CFAP299: variants seen among roughly 807,000 people sequenced by gnomAD.
CFAP299 encodes cilia and flagella associated protein 299, also known as cilia- and flagella-associated protein 299.
A neutral mutation model predicts 27.0 loss-of-function variants in CFAP299; 21 were observed. The ratio of observed to expected loss-of-function variants is 0.78; its 90% CI spans 0.55 to 1.12. The LOEUF (loss-of-function observed/expected upper bound fraction) is 1.12, where lower values mean the gene tolerates loss of function less well. Ranked by LOEUF, CFAP299 falls within the 50% of genes most tolerant of loss-of-function variation. CFAP299 has a pLI of 0.00. For missense variants in CFAP299, 310 were observed against 276.6 expected, an observed-to-expected ratio of 1.12 and a Z score of -0.86; for synonymous variants, 104 against 98.1, an observed-to-expected ratio of 1.06 and a Z score of -0.36.
intron 2 of CFAP299, among the ~76,000 whole-genome samples, chr4:80,574,860 C>G (rs35402094): frequency 0.12 from 18,424 of 151,986 alleles, 1,343 homozygotes; most frequent in South Asian, 0.23. Flanking sequence ...ATTCAGTTTG[C>G]TAGTATTTTG....
In CFAP299 at chr4:80,386,474, G is replaced by A. The variant is rs536616609; in HGVS notation, c.242+23590G>A. 2.6e-6 allele frequency: 4 copies of A among 1,537,004 alleles called. No individual in the cohort carries two copies. The African/African-American group carries it at 5.5e-5, about 21-fold the overall frequency. On this transcript the variant is annotated intron_variant, in intron 2 of 5. Transcript: ENST00000358105. ...TCACCACCTTGCGCCCACCACTGCC[G>A]CCACGGCGCGGGGCTGCCCTCTTCT...
At chr4:80,390,918 CACATATGTAT>C (rs1358708775) in intron 2 of CFAP299, among the ~76,000 whole-genome samples, 1 of 51,940 alleles carries the variant, frequency 1.9e-5, no homozygotes, top group Non-Finnish European at 5.8e-5. Context: ...TGTATATACA[CACATATGTAT>C]ATATGTATAT....
At chr4:80,542,533 A>G (rs530492228) in intron 2 of CFAP299, among the ~76,000 whole-genome samples, 21 of 152,272 alleles carry the variant, frequency 1.4e-4, no homozygotes, top group Admixed American at 1.2e-3. Flanking sequence ...CAAGCCCTGA[A>G]CAACTCCTGT....
chr4:80,393,141 G>C (rs1306793436), intron 2 of CFAP299, among the ~76,000 whole-genome samples: 1 of 151,468 alleles, frequency 6.6e-6, no homozygotes, highest in Non-Finnish European at 1.5e-5. Flanking sequence ...AGTTTTAAAA[G>C]CAAAAAATAA....
At chr4:80,790,619 A>T (rs1197363676) in intron 3 of CFAP299, 1 of 152,030 alleles carries the variant, frequency 6.6e-6, no homozygotes, top group East Asian at 1.9e-4. Flanking sequence ...TGCAGTTTGT[A>T]ACCCAGAAAA....
At chr4:80,569,101 T>C (rs1735454530) in intron 2 of CFAP299, among the ~76,000 whole-genome samples, 1 of 152,100 alleles carries the variant, frequency 6.6e-6, no homozygotes, top group Non-Finnish European at 1.5e-5. Context: ...AAGAGCTTCC[T>C]ACTCCGTCAT....
chr4:80,831,953 C>G lies in CFAP299; in HGVS notation c.334-38040C>G, dbSNP rs139499682. Among the ~76,000 whole-genome samples the G allele has an allele frequency of 3.3e-3, 496 of 152,224 alleles. 1 individual carries two copies. The highest frequency in any genetic ancestry group is 0.011 in the African/African-American group (467 of 41,538). On this transcript the variant is annotated intron_variant, in intron 3 of 5. Transcript: ENST00000358105. ...TGATGTTCCAAACAATTTTTCATGT[C>G]AGAACTATACTATGCCATTCATAAT...
chr4:80,902,247 T>C (rs1560469503), intron 4 of CFAP299, among the ~76,000 whole-genome samples: 1 of 151,180 alleles, frequency 6.6e-6, no homozygotes, highest in Non-Finnish European at 1.5e-5. Flanking sequence ...ATCCTGAACA[T>C]CTATATGTTA....
At chr4:80,500,592 G>A (rs1488925064) in intron 2 of CFAP299, among the ~76,000 whole-genome samples, 1 of 152,054 alleles carries the variant, frequency 6.6e-6, no homozygotes, top group Non-Finnish European at 1.5e-5. Context: ...TGAAACTGCT[G>A]TCAAAGCAAT....
chr4:80,464,732 A>G (rs1472215602), intron 2 of CFAP299, among the ~76,000 whole-genome samples: 2 of 152,178 alleles, frequency 1.3e-5, no homozygotes, highest in Non-Finnish European at 2.9e-5. Flanking sequence ...TACAACCTGT[A>G]AACTCCAGAA....
intron 3 of CFAP299, among the ~76,000 whole-genome samples, chr4:80,634,112 T>G (rs1325011438): frequency 6.6e-6 from 1 of 150,582 alleles, no homozygotes; most frequent in Non-Finnish European, 1.5e-5. Context: ...GCCTCCAGAG[T>G]AGCAGGGACT....
intron 3 of CFAP299, among the ~76,000 whole-genome samples, chr4:80,862,946 G>A (rs35341615): frequency 0.15 from 22,684 of 151,998 alleles, 2,040 homozygotes; most frequent in Middle Eastern, 0.28. Context: ...TAGTTGATTC[G>A]CAGAGAACTT....
At chr4:80,602,948 C>G (rs148160383) in intron 3 of CFAP299, among the ~76,000 whole-genome samples, 13 of 152,204 alleles carry the variant, frequency 8.5e-5, no homozygotes, top group African/African-American at 3.1e-4. Context: ...CTCTGCTTCT[C>G]AGTTTTCTCT....
rs62303526 is a variant in CFAP299, at chr4:80,456,402, C to T, written c.242+93518C>T. ...ACAAGAAGGCAAGCAGGGAGAGCAG[C>T]GAGAGGCTTTGTAATAAGCCAAGCA... is the stretch of plus-strand genomic sequence containing the variant. On this transcript the variant is annotated intron_variant, in intron 2 of 5. Transcript: ENST00000358105. 9.4e-3 allele frequency among the ~76,000 whole-genome samples: 1,426 copies of T among 152,014 alleles called. 14 individuals are homozygous for T. The highest frequency in any genetic ancestry group is 0.016 in the Non-Finnish European group (1,084 of 67,986).
At chr4:80,586,536 G>A (rs1259071193) in intron 3 of CFAP299, among the ~76,000 whole-genome samples, 1 of 152,036 alleles carries the variant, frequency 6.6e-6, no homozygotes, top group East Asian at 1.9e-4. Context: ...TTGTAGGAAC[G>A]ACTGTCCATT....
chr4:80,618,211 GA>G (rs1443048010), intron 3 of CFAP299, among the ~76,000 whole-genome samples: 4 of 151,890 alleles, frequency 2.6e-5, no homozygotes, highest in Admixed American at 6.6e-5. Flanking sequence ...GGTGTTCAAA[GA>G]AAAAAATTAA....
chr4:80,933,165 CCTTTCTTT>C (rs569206836), intron 4 of CFAP299, among the ~76,000 whole-genome samples: 12 of 149,318 alleles, frequency 8.0e-5, no homozygotes, highest in Non-Finnish European at 1.5e-4. Context: ...TCTTTCCTTT[CCTTTCTTT>C]CTTTCTTTCT....
chr4:80,760,446 C>T (rs756350132), intron 3 of CFAP299, among the ~76,000 whole-genome samples: 53 of 152,126 alleles, frequency 3.5e-4, no homozygotes, highest in Non-Finnish European at 6.2e-4. Context: ...ACCATAATAA[C>T]GCTGAAAGTG....
chr4:80,926,237 G>T (rs138608386), intron 4 of CFAP299, among the ~76,000 whole-genome samples: 1 of 152,180 alleles, frequency 6.6e-6, no homozygotes, highest in African/African-American at 2.4e-5. Flanking sequence ...AGTGCATGAT[G>T]TGACTAGAGA....
Sources: allele counts gnomAD v4.1 joint callset (sites outside exome capture counted in the v4.1 genomes callset), GRCh38; gene constraint gnomAD v4.1.1; transcripts MANE v1.5; gene names NCBI Gene and HGNC (gene_info 2026-07-23, HGNC 2026-07-21).